Variants in TTLL11 observed in about 807,000 individuals in gnomAD.
TTLL11 encodes tubulin polyglutamylase TTLL11.
Under a neutral mutation model 51.7 loss-of-function variants are expected in TTLL11, and 42 were observed. That is an observed-to-expected ratio of 0.81 (90% CI 0.64 to 1.05). TTLL11 has a LOEUF of 1.05. Ranked by LOEUF, TTLL11 falls within the 50% of genes least tolerant of loss-of-function variation. TTLL11 has a pLI of 0.00. For synonymous variants in TTLL11, 381 were observed against 383.5 expected (o/e 0.99, Z 0.08); for missense variants, 799 against 940.4 (o/e 0.85, Z 1.97).
At chr9:121,852,981 A>G (rs1160366874) in intron 8 of TTLL11, among the ~76,000 whole-genome samples, 1 of 152,220 alleles carries the variant, frequency 6.6e-6, no homozygotes, top group Non-Finnish European at 1.5e-5. Context: ...TTTATGTATA[A>G]AGGAGACTGC....
chr9:121,942,455 T>C (rs1203027912), intron 6 of TTLL11, among the ~76,000 whole-genome samples: 2 of 152,334 alleles, frequency 1.3e-5, no homozygotes, highest in African/African-American at 2.4e-5. Context: ...TGTAAGCTGT[T>C]TGAAAGCGGG....
chr9:122,009,779 G>C (rs1342962058), intron 3 of TTLL11, among the ~76,000 whole-genome samples: 2 of 151,818 alleles, frequency 1.3e-5, no homozygotes, highest in African/African-American at 4.8e-5. Flanking sequence ...TAGAATAATA[G>C]AGATGTACTA....
intron 6 of TTLL11, among the ~76,000 whole-genome samples, chr9:121,893,147 T>C (rs913427068): frequency 6.6e-6 from 1 of 152,190 alleles, no homozygotes; most frequent in Admixed American, 6.6e-5. Context: ...TTTTATGCCT[T>C]TAAGTTTATT....
At chr9:121,904,780 C>T (rs1839882540) in intron 6 of TTLL11, among the ~76,000 whole-genome samples, 1 of 152,230 alleles carries the variant, frequency 6.6e-6, no homozygotes, top group Non-Finnish European at 1.5e-5. Context: ...TGGCCCCTGC[C>T]ATGCCCTTGT....
rs1392166167 is a variant in TTLL11, at chr9:122,024,811, AAACTAT to A, written c.693+6906_693+6911del. On this transcript the variant is annotated intron_variant, in intron 3 of 8. Transcript: ENST00000321582. ...ATCACAGACCTAAATTCGAAAGCTA[AAACTAT>A]AGAACTTTTAGACAAAAACATAGCA... 2.6e-5 allele frequency among the ~76,000 whole-genome samples: 4 copies of A among 152,230 alleles called. No individual in the cohort carries two copies. In the East Asian group the frequency reaches 7.7e-4, roughly 29 times the overall value.
intron 6 of TTLL11, among the ~76,000 whole-genome samples, chr9:121,964,285 C>CTTTTTTTTTTTT (rs143673197): frequency 6.6e-6 from 1 of 150,794 alleles, no homozygotes; most frequent in Non-Finnish European, 1.5e-5. Context: ...ATTTCTTTTC[C>CTTTTTTTTTTTT]TTTTTTTTGT....
chr9:121,844,934 G>A (rs1837473907), intron 8 of TTLL11, among the ~76,000 whole-genome samples: 1 of 151,850 alleles, frequency 6.6e-6, no homozygotes, highest in Non-Finnish European at 1.5e-5. Flanking sequence ...AGAATGAAGG[G>A]AGCAGAAGAT....
rs116543938 is a variant in TTLL11 at position 121,909,472 on chromosome 9, T to C, written c.1482-38724A>G. Reference sequence around the variant, plus strand: ...CTCCCTATCTCCTTTACTCAATAAATAAGAAGGGCTCTAGAAACTCAGGGC... The same window carrying C: ...CTCCCTATCTCCTTTACTCAATAAACAAGAAGGGCTCTAGAAACTCAGGGC... On this transcript the variant is annotated intron_variant, in intron 6 of 8. Coordinates refer to ENST00000321582, the MANE Select transcript of TTLL11 (RefSeq NM_001139442.2). Among the ~76,000 whole-genome samples, 1,027 of 152,244 alleles carry C rather than the reference T, an allele frequency of 6.7e-3. 14 individuals carry two copies. The highest frequency in any genetic ancestry group is 0.024 in the African/African-American group (998 of 41,540).
chr9:121,899,365 GTATATA>G (rs1554766915), intron 6 of TTLL11, among the ~76,000 whole-genome samples: 6 of 113,242 alleles, frequency 5.3e-5, no homozygotes, highest in African/African-American at 9.9e-5. Context: ...ATGTGTGTGT[GTATATA>G]TATATACATA....
chr9:121,963,232 C>G (rs1289462155), intron 6 of TTLL11, among the ~76,000 whole-genome samples: 1 of 152,202 alleles, frequency 6.6e-6, no homozygotes, highest in Non-Finnish European at 1.5e-5. Flanking sequence ...GAAACACTCC[C>G]CTGTGAACCA....
intron 6 of TTLL11, among the ~76,000 whole-genome samples, chr9:121,904,290 C>CTT (rs1839862552): frequency 2.0e-5 from 3 of 152,138 alleles, no homozygotes; most frequent in Non-Finnish European, 4.4e-5. Context: ...CATTCTCCTG[C>CTT]CTCAGCCTCC....
At chr9:121,933,140 A>C (rs1320998373) in intron 6 of TTLL11, among the ~76,000 whole-genome samples, 2 of 152,176 alleles carry the variant, frequency 1.3e-5, no homozygotes, top group Non-Finnish European at 2.9e-5. Flanking sequence ...AATAGGTACA[A>C]AGGGGAAATG....
chr9:121,852,898 G>A (rs1033380607), intron 8 of TTLL11, among the ~76,000 whole-genome samples: 4 of 152,346 alleles, frequency 2.6e-5, no homozygotes, highest in South Asian at 2.1e-4. Context: ...CAGACACCTC[G>A]CACGAGGCGC....
intron 3 of TTLL11, among the ~76,000 whole-genome samples, chr9:121,997,362 C>A (rs557496618): frequency 1.3e-5 from 2 of 152,110 alleles, no homozygotes; most frequent in Non-Finnish European, 2.9e-5. Context: ...CTGGCCTCCC[C>A]ACTCCTTCCC....
At chr9:121,953,607 T>C (rs1318083863) in intron 6 of TTLL11, among the ~76,000 whole-genome samples, 1 of 132,732 alleles carries the variant, frequency 7.5e-6, no homozygotes, top group Non-Finnish European at 1.5e-5. Flanking sequence ...CACTCCAGCC[T>C]GGGTGACAGA....
At chr9:122,084,841 C>T (rs1006025336) in intron 1 of TTLL11, among the ~76,000 whole-genome samples, 3 of 152,228 alleles carry the variant, frequency 2.0e-5, no homozygotes, top group African/African-American at 7.2e-5. Context: ...CTTTTCCACA[C>T]AGCTGGTGGG....
chr9:121,996,039 G>A (rs1388817400), intron 3 of TTLL11, among the ~76,000 whole-genome samples: 3 of 152,204 alleles, frequency 2.0e-5, no homozygotes, highest in African/African-American at 7.2e-5. Context: ...AAAGCACCCT[G>A]TTCGGCTTAT....
At chr9:121,860,579 G>A in intron 7 of TTLL11, 136 bp from the exon 8 acceptor site, 1 of 694,734 alleles carries the variant, frequency 1.4e-6, no homozygotes, top group Admixed American at 2.4e-5. Flanking sequence ...CAATGTGATG[G>A]TGTTAGGAGG....
chr9:122,011,776 A>T (rs144616248), intron 3 of TTLL11, among the ~76,000 whole-genome samples: 2 of 152,224 alleles, frequency 1.3e-5, no homozygotes, highest in Admixed American at 1.3e-4. Context: ...GTAAGTCCAA[A>T]ATTATGTCAA....
Sources: allele counts gnomAD v4.1 joint callset (sites outside exome capture counted in the v4.1 genomes callset), GRCh38; gene constraint gnomAD v4.1.1; transcripts MANE v1.5; gene names NCBI Gene and HGNC (gene_info 2026-07-23, HGNC 2026-07-21).